SLC25A13: variants seen among roughly 807,000 people sequenced by gnomAD.
SLC25A13 encodes electrogenic aspartate/glutamate antiporter SLC25A13, mitochondrial.
SLC25A13 carries 70 observed loss-of-function variants against 85.5 expected under a neutral mutation model. That is an observed-to-expected ratio of 0.82 (90% confidence interval 0.68 to 1.00). The LOEUF (loss-of-function observed/expected upper bound fraction) is 1.00. SLC25A13 is among the 50% of genes least tolerant of loss of function. The pLI, the probability that SLC25A13 is intolerant of heterozygous loss-of-function variation, is 0.00. For synonymous variants in SLC25A13, 259 were observed against 288.7 expected (o/e 0.90, Z 1.04); for missense variants, 765 against 819.8 (o/e 0.93, Z 0.82).
chr7:96,301,588 T>A (rs377648327), intron 1 of SLC25A13, among the ~76,000 whole-genome samples: 2 of 152,044 alleles, frequency 1.3e-5, no homozygotes, highest in Admixed American at 6.6e-5. Flanking sequence ...AACATTTTAC[T>A]CTGATTCCAA....
chr7:96,257,240 C>A (rs1797672868), intron 3 of SLC25A13, among the ~76,000 whole-genome samples: 1 of 152,084 alleles, frequency 6.6e-6, no homozygotes, highest in African/African-American at 2.4e-5. Flanking sequence ...GACACAGACA[C>A]AAAATACCCT....
intron 7 of SLC25A13, 83 bp from the exon 8 acceptor site, chr7:96,189,757 G>A (rs1487549773): frequency 4.6e-6 from 5 of 1,088,400 alleles, no homozygotes; most frequent in Non-Finnish European, 7.1e-6. Context: ...ACTGGAATGA[G>A]TGAACATCAC....
Position 96,271,235 on chromosome 7 carries a change from A to T in SLC25A13, c.212+5961T>A, listed in dbSNP as rs142859304. Reference sequence around the variant, plus strand: ...CTTTCGTAAAAATGCTTCTTAGTACACTTAACTAAATTTAGTCAACAAATT... The same window carrying T: ...CTTTCGTAAAAATGCTTCTTAGTACTCTTAACTAAATTTAGTCAACAAATT... On this transcript the variant is annotated intron_variant, in intron 3 of 17. Transcript: ENST00000265631. Among the ~76,000 whole-genome samples the T allele has an allele frequency of 2.6e-5, 4 of 152,302 alleles. No homozygotes were observed. The East Asian group carries it at 7.7e-4, about 29-fold the overall frequency.
At chr7:96,257,841 G>A (rs1056455244) in intron 3 of SLC25A13, among the ~76,000 whole-genome samples, 1 of 152,086 alleles carries the variant, frequency 6.6e-6, no homozygotes, top group African/African-American at 2.4e-5. Flanking sequence ...ACCAAATCCA[G>A]CTGCACATTA....
Position 96,208,995 on chromosome 7 carries a change from A to T in SLC25A13, c.329-18T>A. 1 of 1,613,386 alleles carries T rather than the reference A, an allele frequency of 6.2e-7. No individual in the cohort carries two copies. The highest frequency in any genetic ancestry group is 8.5e-7 in the Non-Finnish European group (1 of 1,179,524). On this transcript the variant is annotated intron_variant, in intron 4 of 17. Transcript: ENST00000265631. ...AACATCCTCTGAAAAGAGAAAAGACAGGTTGATTAAAACAAAGTAAATGAA... is the reference window on the plus strand; with the variant it reads ...AACATCCTCTGAAAAGAGAAAAGACTGGTTGATTAAAACAAAGTAAATGAA...
intron 3 of SLC25A13, among the ~76,000 whole-genome samples, chr7:96,260,521 G>T (rs1403821384): frequency 3.3e-5 from 5 of 151,990 alleles, no homozygotes; most frequent in African/African-American, 1.2e-4. Context: ...AATTGGCTCA[G>T]ACCAAATAAG....
intron 1 of SLC25A13, among the ~76,000 whole-genome samples, chr7:96,316,565 C>A (rs1341000691): frequency 6.6e-6 from 1 of 152,190 alleles, no homozygotes; most frequent in Non-Finnish European, 1.5e-5. Flanking sequence ...GACACATTGG[C>A]AAGGTTCAAA....
chr7:96,125,182 A>G (rs1791675700), intron 15 of SLC25A13, among the ~76,000 whole-genome samples: 1 of 151,812 alleles, frequency 6.6e-6, no homozygotes, highest in Non-Finnish European at 1.5e-5. Flanking sequence ...TCCGCCTCCC[A>G]GGCTCAAGTG....
chr7:96,245,689 T>C (rs760106156), intron 3 of SLC25A13, among the ~76,000 whole-genome samples: 18 of 152,226 alleles, frequency 1.2e-4, no homozygotes, highest in Non-Finnish European at 2.4e-4. Context: ...GACTTCTTTT[T>C]AAAGGAAAAG....
chr7:96,131,691 A>AG, intron 15 of SLC25A13, 52 bp downstream of exon 15: 1 of 1,611,050 alleles, frequency 6.2e-7, no homozygotes, highest in Non-Finnish European at 8.5e-7. Flanking sequence ...CAGCTAGGGA[A>AG]GGGGGGCAGC....
chr7:96,232,424 C>T (rs150594623), intron 4 of SLC25A13, among the ~76,000 whole-genome samples: 39 of 151,898 alleles, frequency 2.6e-4, no homozygotes, highest in East Asian at 7.7e-4. Context: ...ATAGACATTA[C>T]GGCCTACCAG....
chr7:96,322,046 G>A lies in SLC25A13; in HGVS notation c.-90C>T. 1 of 1,495,026 alleles carries A rather than the reference G, an allele frequency of 6.7e-7. No homozygotes were observed. The highest frequency in any genetic ancestry group is 9.0e-7 in the Non-Finnish European group (1 of 1,114,030). The allele number at this position is 1,495,026 out of a possible 1,614,324, so 92.6% of individuals were successfully genotyped here. On this transcript the variant is annotated 5_prime_UTR_variant, in exon 1 of 18. Coordinates refer to ENST00000265631, the MANE Select transcript of SLC25A13 (RefSeq NM_014251.3). The stretch of plus-strand genomic sequence containing the variant: ...GCGGCTCACTTCTAGTCCCGGCGGC[G>A]GCGGCGGTGGGGGCGGCGATACGGC...
chr7:96,186,320 T>C (rs2116637135), intron 9 of SLC25A13, among the ~76,000 whole-genome samples: 1 of 152,142 alleles, frequency 6.6e-6, no homozygotes, highest in East Asian at 1.9e-4. Context: ...TCTCAGCTAC[T>C]TGGGAGGCTG....
At chr7:96,236,896 T>C (rs977531829) in intron 3 of SLC25A13, among the ~76,000 whole-genome samples, 2 of 152,216 alleles carry the variant, frequency 1.3e-5, no homozygotes, top group Non-Finnish European at 1.5e-5. Flanking sequence ...GGAACCAACA[T>C]AGCTGACTGG....
chr7:96,198,232 A>G (rs949519000), intron 5 of SLC25A13, among the ~76,000 whole-genome samples: 2 of 152,196 alleles, frequency 1.3e-5, no homozygotes, highest in Non-Finnish European at 2.9e-5. Flanking sequence ...TCTACAGAAT[A>G]GGCACAACAC....
intron 11 of SLC25A13, among the ~76,000 whole-genome samples, chr7:96,182,170 G>C (rs1370501630): frequency 6.6e-6 from 1 of 152,136 alleles, no homozygotes; most frequent in Non-Finnish European, 1.5e-5. Flanking sequence ...GACCAATCAA[G>C]AATAGGAACA....
chr7:96,277,236 C>T lies in SLC25A13; in HGVS notation c.172G>A (p.Val58Met), dbSNP rs774007506. 47 of 1,608,136 alleles carry T rather than the reference C, an allele frequency of 2.9e-5. No homozygotes were observed. Among genetic ancestry groups the T allele is most frequent in the Non-Finnish European group, 3.9e-5 (46 of 1,177,028 alleles). Reference protein sequence around the residue: ...FGESQPNPKTVELLSGVVDQT... With the variant: ...FGESQPNPKTMELLSGVVDQT... ...TCCACCACTCCACTTAAAAGTTCCACAGTCTTTGGATTAGGCTGGCTTTCT... is the reference window on the plus strand; with the variant it reads ...TCCACCACTCCACTTAAAAGTTCCATAGTCTTTGGATTAGGCTGGCTTTCT... Residue 58 changes from valine to methionine, a missense_variant, in exon 3 of 18, where the codon GTG (valine) becomes ATG (methionine). Physicochemically the swap from Val to Met is conservative, Grantham distance 21 (BLOSUM62 1). Transcript: ENST00000265631.
rs1461432229 is a variant in SLC25A13, at chr7:96,120,433, A to G, written c.*758T>C. 2.2e-6 allele frequency: 1 copy of G among 454,342 alleles called. No homozygotes were observed. The highest frequency in any genetic ancestry group is 2.3e-5 in the Admixed American group (1 of 42,570). 28.1% of individuals were successfully genotyped at this position (454,342 alleles called of 1,614,324 possible). A position where few individuals can be genotyped will look rare whatever the true frequency, so the allele number is the denominator to read the frequency against. Reference sequence around the variant, plus strand: ...CAACATGCATTTTTCAAGAGTGTTTATTAAAATAGGCAGTAATCAGTACAT... The same window carrying G: ...CAACATGCATTTTTCAAGAGTGTTTGTTAAAATAGGCAGTAATCAGTACAT... On this transcript the variant is annotated 3_prime_UTR_variant, in exon 18 of 18. Coordinates refer to ENST00000265631, the MANE Select transcript of SLC25A13 (RefSeq NM_014251.3).
intron 4 of SLC25A13, among the ~76,000 whole-genome samples, chr7:96,212,819 A>G (rs1261882561): frequency 6.6e-6 from 1 of 152,140 alleles, no homozygotes; most frequent in Non-Finnish European, 1.5e-5. Context: ...ACAGTTGGCC[A>G]TGGGACTCTG....
Sources: allele counts gnomAD v4.1 joint callset (sites outside exome capture counted in the v4.1 genomes callset), GRCh38; gene constraint gnomAD v4.1.1; transcripts MANE v1.5; gene names NCBI Gene and HGNC (gene_info 2026-07-23, HGNC 2026-07-21).